The following LARS2 variants were observed in gnomAD, a reference collection of about 807,000 sequenced individuals.
The protein encoded by LARS2 is leucyl-tRNA synthetase 2, mitochondrial, also known as leucine--tRNA ligase, mitochondrial.
In LARS2, 81 loss-of-function variants were observed where a neutral mutation model predicts 116.6. The ratio of observed to expected loss-of-function variants is 0.69; its 90% CI spans 0.58 to 0.84. The LOEUF is 0.84. Ranked by LOEUF, LARS2 falls within the 40% of genes least tolerant of loss-of-function variation. LARS2 has a pLI of 0.00. For synonymous variants in LARS2, 396 were observed against 407.2 expected (o/e 0.97, Z 0.33); for missense variants, 968 against 1,114.5 (o/e 0.87, Z 1.87).
intron 6 of LARS2, among the ~76,000 whole-genome samples, chr3:45,425,908 T>C (rs1485814467): frequency 1.2e-5 from 1 of 86,784 alleles, no homozygotes; most frequent in Non-Finnish European, 2.6e-5. Context: ...TTTTTTTTTC[T>C]TTTCTTTTCT....
At chr3:45,511,700 T>G (rs191310825) in intron 15 of LARS2, among the ~76,000 whole-genome samples, 2 of 152,086 alleles carry the variant, frequency 1.3e-5, no homozygotes, top group Admixed American at 1.3e-4. Flanking sequence ...GTTGTGCCAC[T>G]TGATAAAATA....
chr3:45,490,879 T>C (rs1159858690), intron 12 of LARS2, among the ~76,000 whole-genome samples: 2 of 152,252 alleles, frequency 1.3e-5, no homozygotes, highest in Non-Finnish European at 2.9e-5. Flanking sequence ...GTACTGTTAG[T>C]GGTCTGTCCT....
At chr3:45,485,615 A>G (rs143672810) in intron 10 of LARS2, 77 bp from the exon 11 acceptor site, 2 of 787,562 alleles carry the variant, frequency 2.5e-6, no homozygotes, top group Non-Finnish European at 2.1e-6. Flanking sequence ...TACTTTTCTC[A>G]CTTGTTTCCT....
chr3:45,528,274 C>CT (rs1700561375), intron 20 of LARS2, among the ~76,000 whole-genome samples: 1 of 152,096 alleles, frequency 6.6e-6, no homozygotes, highest in Admixed American at 6.5e-5. Context: ...GAGTTCACGG[C>CT]TGCAGTGAGC....
chr3:45,452,183 T>C (rs1699140317), intron 7 of LARS2, among the ~76,000 whole-genome samples: 1 of 152,198 alleles, frequency 6.6e-6, no homozygotes, highest in Non-Finnish European at 1.5e-5. Context: ...GTTATTTCTT[T>C]CTCTTGCCTA....
chr3:45,547,388 A>G lies in LARS2; in HGVS notation c.2570A>G (p.Gln857Arg). ...GCTTGTGGCAAAATTCCTGTGCCCCAACAAGTTGCCCGGGACCAGGACAAA... is the reference window on the plus strand; with the variant it reads ...GCTTGTGGCAAAATTCCTGTGCCCCGACAAGTTGCCCGGGACCAGGACAAA... Reference protein sequence around the residue: ...NKACGKIPVPQQVARDQDKVH... With the variant: ...NKACGKIPVPRQVARDQDKVH... The change falls in exon 22 of 22, where the codon CAA (glutamine) becomes CGA (arginine). Residue 857 changes from glutamine (Q) to arginine (R), a missense_variant. By Grantham distance (43) the Gln-to-Arg change is conservative. Coordinates refer to ENST00000645846, the MANE Select transcript of LARS2 (RefSeq NM_015340.4). 1 of 1,612,172 alleles carries G rather than the reference A, an allele frequency of 6.2e-7. No individual in the cohort carries two copies. Among genetic ancestry groups the G allele is most frequent in the Non-Finnish European group, 8.5e-7 (1 of 1,179,460 alleles).
At chr3:45,422,307 T>A (rs1698526942) in intron 6 of LARS2, 1 of 152,136 alleles carries the variant, frequency 6.6e-6, no homozygotes, top group Non-Finnish European at 1.5e-5. Context: ...AGATAGGAGG[T>A]GTTTGTCCTT....
intron 4 of LARS2, among the ~76,000 whole-genome samples, chr3:45,415,892 GGGAGAGA>G (rs1698411225): frequency 1.0e-4 from 7 of 69,744 alleles, no homozygotes; most frequent in Non-Finnish European, 1.5e-4. Flanking sequence ...GAGAGAGAGA[GGGAGAGA>G]GAGAGAGAGA....
At chr3:45,464,853 G>A (rs1207161942) in intron 8 of LARS2, among the ~76,000 whole-genome samples, 5 of 152,314 alleles carry the variant, frequency 3.3e-5, no homozygotes, top group Admixed American at 6.5e-5. Flanking sequence ...GGGATTTGGT[G>A]ATGATGATGC....
rs1326979083 is a variant in LARS2 at position 45,400,390 on chromosome 3, G to A, written c.363+17G>A. 5 of 1,589,286 alleles carry A rather than the reference G, an allele frequency of 3.1e-6. No homozygotes were observed. The South Asian group carries it at 4.6e-5, about 15-fold the overall frequency. On this transcript the variant is annotated intron_variant, in intron 4 of 21. Transcript: ENST00000645846. ...GGGATGCAGGTAAGAACAGGTGCCT[G>A]CTGGAGCAGCCCTTGTCTGCCACAC...
chr3:45,514,495 C>G (rs552578279), intron 16 of LARS2, among the ~76,000 whole-genome samples: 2 of 152,316 alleles, frequency 1.3e-5, no homozygotes, highest in South Asian at 4.2e-4. Flanking sequence ...GGCAGTGTCT[C>G]TCCAGCATGG....
chr3:45,494,149 C>T (rs1444013677), intron 13 of LARS2, among the ~76,000 whole-genome samples: 2 of 152,158 alleles, frequency 1.3e-5, no homozygotes, highest in Admixed American at 6.5e-5. Flanking sequence ...CCACTGTTCT[C>T]ATTGGGAGGT....
intron 6 of LARS2, among the ~76,000 whole-genome samples, chr3:45,441,138 C>T (rs566588393): frequency 6.6e-6 from 1 of 151,666 alleles, no homozygotes; most frequent in South Asian, 2.1e-4. Context: ...AATTCTCCTG[C>T]CTCAGCCATC....
At chr3:45,441,723 C>T (rs563062849) in intron 6 of LARS2, among the ~76,000 whole-genome samples, 1 of 152,138 alleles carries the variant, frequency 6.6e-6, no homozygotes, top group African/African-American at 2.4e-5. Context: ...ACTGATGAAT[C>T]GCTGTGTCTC....
chr3:45,541,779 G>C (rs1285738920), intron 20 of LARS2, 50 bp from the exon 21 acceptor site: 11 of 1,603,580 alleles, frequency 6.9e-6, no homozygotes, highest in Non-Finnish European at 9.4e-6. Context: ...GCTCTCATAA[G>C]CCTCCCTGTT....
intron 8 of LARS2, among the ~76,000 whole-genome samples, chr3:45,469,280 A>G (rs1699482164): frequency 6.6e-6 from 1 of 152,120 alleles, no homozygotes; most frequent in Non-Finnish European, 1.5e-5. Context: ...AGGCTTTACT[A>G]TATTTATGTA....
At chr3:45,512,262 G>C (rs1380322998) in intron 15 of LARS2, among the ~76,000 whole-genome samples, 3 of 152,152 alleles carry the variant, frequency 2.0e-5, no homozygotes, top group Non-Finnish European at 4.4e-5. Context: ...CCCTGAACAC[G>C]AAATACTTAA....
rs774832576 is a variant in LARS2 at position 45,500,524 on chromosome 3, T to C, written c.1705T>C (p.Phe569Leu). Residue 569 changes from phenylalanine (F) to leucine (L), a missense_variant, in exon 15 of 22, where the codon TTC becomes CTC. Phe to Leu is a conservative substitution (Grantham distance 22, BLOSUM62 0). Transcript: ENST00000645846. ...GAAAGAACATGCCGTCATGCACTTG[T>C]TCTATGCAAGATTCTTTAGTCATTT... ...GGKEHAVMHL[F>L]YARFFSHFCH... The C allele has an allele frequency of 4.4e-6, 7 of 1,582,948 alleles. No homozygotes were observed. The highest frequency in any genetic ancestry group is 1.2e-5 in the South Asian group (1 of 84,902).
intron 6 of LARS2, among the ~76,000 whole-genome samples, chr3:45,423,266 T>A (rs913070305): frequency 1.3e-5 from 2 of 152,188 alleles, no homozygotes; most frequent in African/African-American, 4.8e-5. Context: ...TTGTTGGTTT[T>A]TATGGGGGTA....
Sources: allele counts gnomAD v4.1 joint callset (sites outside exome capture counted in the v4.1 genomes callset), GRCh38; gene constraint gnomAD v4.1.1; transcripts MANE v1.5; gene names NCBI Gene and HGNC (gene_info 2026-07-23, HGNC 2026-07-21).